MGAT5: variants seen among roughly 807,000 people sequenced by gnomAD.
MGAT5 encodes alpha-1,6-mannosylglycoprotein 6-beta-N-acetylglucosaminyltransferase.
A neutral mutation model predicts 94.3 loss-of-function variants in MGAT5; 30 were observed. The ratio of observed to expected loss-of-function variants is 0.32; its 90% CI spans 0.24 to 0.43. The LOEUF (loss-of-function observed/expected upper bound fraction) is 0.43, where lower values mean the gene tolerates loss of function less well. MGAT5 is among the 20% of genes least tolerant of loss of function. The pLI is 1.00. For synonymous variants in MGAT5, 310 were observed against 322.9 expected (o/e 0.96, Z 0.43); for missense variants, 691 against 905.5 (o/e 0.76, Z 3.04).
At chr2:134,401,530 A>G (rs1239404701) in intron 10 of MGAT5, among the ~76,000 whole-genome samples, 1 of 152,168 alleles carries the variant, frequency 6.6e-6, no homozygotes, top group Non-Finnish European at 1.5e-5. Flanking sequence ...CCTACTTAAC[A>G]GGAGCTGTGG....
At chr2:134,275,503 G>C (rs1176172460) in intron 2 of MGAT5, among the ~76,000 whole-genome samples, 1 of 151,828 alleles carries the variant, frequency 6.6e-6, no homozygotes, top group Non-Finnish European at 1.5e-5. Flanking sequence ...ACAGCTGTGG[G>C]CGATTTTGCC....
chr2:134,299,090 A>G (rs1481891862), intron 2 of MGAT5, among the ~76,000 whole-genome samples: 3 of 152,124 alleles, frequency 2.0e-5, no homozygotes, highest in Non-Finnish European at 4.4e-5. Context: ...CCTAGAATTT[A>G]TATCTTTCCA....
intron 11 of MGAT5, among the ~76,000 whole-genome samples, chr2:134,408,088 T>G (rs756771033): frequency 2.6e-5 from 4 of 152,218 alleles, no homozygotes; most frequent in Non-Finnish European, 5.9e-5. Context: ...ACCATTTTAA[T>G]GAAGCAGCCA....
chr2:134,370,491 A>C (rs1253034549), intron 10 of MGAT5, among the ~76,000 whole-genome samples: 5 of 152,280 alleles, frequency 3.3e-5, no homozygotes, highest in African/African-American at 9.6e-5. Context: ...CCAGAAGAAC[A>C]TTAAAAATTA....
intron 14 of MGAT5, among the ~76,000 whole-genome samples, chr2:134,430,578 C>T (rs1415919419): frequency 6.6e-6 from 1 of 152,102 alleles, no homozygotes; most frequent in East Asian, 1.9e-4. Flanking sequence ...TGTCAGGAAC[C>T]AGGAAGCTCA....
intron 10 of MGAT5, among the ~76,000 whole-genome samples, chr2:134,387,332 A>ATATATATATATATATATATAT: frequency 4.1e-5 from 1 of 24,264 alleles, no homozygotes; most frequent in African/African-American, 2.0e-4. Context: ...ATATATATAT[A>ATATATATATATATATATATAT]TTTTTTTTTT....
intron 1 of MGAT5, among the ~76,000 whole-genome samples, chr2:134,133,815 A>G (rs1182430051): frequency 2.6e-5 from 4 of 152,158 alleles, no homozygotes; most frequent in Non-Finnish European, 4.4e-5. Flanking sequence ...CAGGGTGAAC[A>G]TGGGACAGGG....
At chr2:134,180,424 T>A (rs1029940643) in intron 1 of MGAT5, among the ~76,000 whole-genome samples, 3 of 152,210 alleles carry the variant, frequency 2.0e-5, no homozygotes, top group African/African-American at 7.2e-5. Context: ...GTACCACTGG[T>A]TTACCAGGAT....
intron 2 of MGAT5, among the ~76,000 whole-genome samples, chr2:134,298,354 T>C (rs1685813892): frequency 6.6e-6 from 1 of 152,150 alleles, no homozygotes; most frequent in Non-Finnish European, 1.5e-5. Context: ...TGCCTCGGCC[T>C]CCCAAAGTAC....
At chr2:134,375,458 T>G (rs1255897655) in intron 10 of MGAT5, among the ~76,000 whole-genome samples, 1 of 152,236 alleles carries the variant, frequency 6.6e-6, no homozygotes. Context: ...TGCAGAGTAG[T>G]GAAACCGAAA....
chr2:134,301,691 G>A (rs1686026939), intron 2 of MGAT5, among the ~76,000 whole-genome samples: 1 of 152,176 alleles, frequency 6.6e-6, no homozygotes, highest in South Asian at 2.1e-4. Flanking sequence ...TTGCTTTTAT[G>A]TCTGATGATG....
intron 1 of MGAT5, among the ~76,000 whole-genome samples, chr2:134,121,437 A>T (rs1685585009): frequency 6.6e-6 from 1 of 152,164 alleles, no homozygotes; most frequent in Admixed American, 6.5e-5. Flanking sequence ...GGAAGAGCCG[A>T]AGAGGGAAGG....
intron 1 of MGAT5, among the ~76,000 whole-genome samples, chr2:134,215,332 C>T (rs933397419): frequency 2.6e-5 from 4 of 152,176 alleles, no homozygotes; most frequent in African/African-American, 7.2e-5. Flanking sequence ...AATACAACAC[C>T]TGGGACTGGA....
At chr2:134,378,684 C>T (rs568507729) in intron 10 of MGAT5, among the ~76,000 whole-genome samples, 1 of 148,812 alleles carries the variant, frequency 6.7e-6, no homozygotes, top group East Asian at 2.0e-4. Context: ...GGCATGATCT[C>T]GGCTCACTGC....
intron 1 of MGAT5, among the ~76,000 whole-genome samples, chr2:134,196,743 T>C (rs1034197763): frequency 6.6e-5 from 10 of 152,204 alleles, no homozygotes; most frequent in Admixed American, 2.6e-4. Flanking sequence ...TCTTAAAAAA[T>C]GGAATTTTTT....
chr2:134,427,030 T>A (rs1684629522), intron 13 of MGAT5, among the ~76,000 whole-genome samples: 1 of 152,168 alleles, frequency 6.6e-6, no homozygotes, highest in Non-Finnish European at 1.5e-5. Context: ...CTGAAAATCA[T>A]GGTTGAAGAT....
chr2:134,323,180 G>A (rs1345987869), intron 4 of MGAT5, among the ~76,000 whole-genome samples: 1 of 152,096 alleles, frequency 6.6e-6, no homozygotes, highest in Non-Finnish European at 1.5e-5. Flanking sequence ...TAAATCCCAG[G>A]AAGAAAAGCC....
chr2:134,360,939 G>A (rs551777691), intron 9 of MGAT5, among the ~76,000 whole-genome samples: 32 of 152,300 alleles, frequency 2.1e-4, no homozygotes, highest in Admixed American at 1.3e-3. Context: ...CCTGGGAAAC[G>A]GAGGGTGACA....
At chr2:134,374,035 C>T (rs1680998019) in intron 10 of MGAT5, among the ~76,000 whole-genome samples, 1 of 152,202 alleles carries the variant, frequency 6.6e-6, no homozygotes, top group Non-Finnish European at 1.5e-5. Flanking sequence ...AGCAAAATCA[C>T]AGCAGTAGAA....
Sources: gnomAD v4.1 joint callset for allele counts (sites outside exome capture counted in the v4.1 genomes callset) on GRCh38, gnomAD v4.1.1 for gene constraint, MANE v1.5 for transcripts, NCBI Gene and HGNC (gene_info 2026-07-23, HGNC 2026-07-21) for gene names.